FBXL13: variants seen among roughly 807,000 people sequenced by gnomAD.
FBXL13 encodes F-box and leucine rich repeat protein 13.
A neutral mutation model predicts 83.6 loss-of-function variants in FBXL13; 67 were observed. The observed-to-expected ratio is 0.80, with a 90% CI of 0.66 to 0.98. FBXL13 has a LOEUF of 0.98. Ranked by LOEUF, FBXL13 falls within the 50% of genes least tolerant of loss-of-function variation. The probability of loss-of-function intolerance (pLI) is 0.00; values close to 1 mark genes in which losing one functional copy is unlikely to be tolerated. For missense variants in FBXL13, 822 were observed against 866.5 expected (o/e 0.95, Z 0.64); for synonymous variants, 272 against 299.5 (o/e 0.91, Z 0.95).
chr7:102,934,703 T>C, intron 8 of FBXL13: 1 of 1,554,714 alleles, frequency 6.4e-7, no homozygotes, highest in Non-Finnish European at 8.7e-7. Flanking sequence ...CTTTTCTTAC[T>C]TTTTCATTTT....
At chr7:102,976,301 C>T (rs1408354291) in intron 6 of FBXL13, 6 of 664,782 alleles carry the variant, frequency 9.0e-6, no homozygotes, top group East Asian at 2.5e-5. Flanking sequence ...TCAGGACCCA[C>T]CCAGTCCTCC....
At chr7:102,898,977 C>T (rs1184676478) in intron 11 of FBXL13, among the ~76,000 whole-genome samples, 1 of 152,098 alleles carries the variant, frequency 6.6e-6, no homozygotes, top group East Asian at 1.9e-4. Flanking sequence ...AGTGCAGTGG[C>T]ACAATCTCGG....
At chr7:102,996,837 A>G (rs1374034057) in intron 6 of FBXL13, among the ~76,000 whole-genome samples, 1 of 152,228 alleles carries the variant, frequency 6.6e-6, no homozygotes, top group Admixed American at 6.5e-5. Flanking sequence ...CTAACAAGAT[A>G]GAAAGACTTC....
At position 102,998,673 on chromosome 7, in the gene FBXL13, A is replaced by C. The variant is rs1337047429; in HGVS notation, c.495+26390T>G. Among the ~76,000 whole-genome samples, 3 of 152,102 alleles carry C rather than the reference A, an allele frequency of 2.0e-5. No individual in the cohort carries two copies. The South Asian group carries it at 6.2e-4, about 32-fold the overall frequency. ...TTGGTGGAGTCTTTACGTTTTTCTA[A>C]ATATAATATTAGGTTGGGCGCAGTG... On this transcript the variant is annotated intron_variant, in intron 6 of 19. Transcript: ENST00000313221.
At chr7:103,041,571 T>C (rs2411064) in intron 2 of FBXL13, among the ~76,000 whole-genome samples, 148,191 of 152,298 alleles carry the variant, frequency 0.97, 72,249 homozygotes, top group East Asian at 1. Context: ...TGAAAATCCT[T>C]AATAAAATAC....
In FBXL13 at chr7:103,069,807, G is replaced by A. The variant is rs560327333; in HGVS notation, c.-105+4439C>T. 4.6e-5 allele frequency among the ~76,000 whole-genome samples: 7 copies of A among 152,284 alleles called. No homozygotes were observed. The East Asian group carries it at 1.2e-3, about 25-fold the overall frequency. Reference sequence around the variant, plus strand: ...AAATTACTAGGTATGGGCTGGGCGCGGTGGCCCACGCCTGTAATCCCAGCA... The same window carrying A: ...AAATTACTAGGTATGGGCTGGGCGCAGTGGCCCACGCCTGTAATCCCAGCA... On this transcript the variant is annotated intron_variant, in intron 1 of 19. Coordinates refer to ENST00000313221, the Ensembl canonical transcript of FBXL13.
intron 10 of FBXL13, 129 bp from the exon 12 acceptor site, chr7:102,913,344 T>A: frequency 9.2e-7 from 1 of 1,083,374 alleles, no homozygotes; most frequent in Non-Finnish European, 1.3e-6. Flanking sequence ...CATTTAACTT[T>A]ACTGTTAACT....
At chr7:102,935,561 C>T (rs1416896060) in intron 8 of FBXL13, among the ~76,000 whole-genome samples, 1 of 152,042 alleles carries the variant, frequency 6.6e-6, no homozygotes, top group African/African-American at 2.4e-5. Flanking sequence ...GTTTTGCAAC[C>T]GATGCAATCT....
At chr7:102,976,243 G>A (rs766102050) in intron 6 of FBXL13, 2 of 722,810 alleles carry the variant, frequency 2.8e-6, no homozygotes, top group South Asian at 1.4e-5. Context: ...AGGCCAGTAT[G>A]TTTTTAAAAT....
intron 14 of FBXL13, among the ~76,000 whole-genome samples, chr7:102,882,409 G>A (rs928934491): frequency 1.3e-5 from 2 of 152,132 alleles, no homozygotes; most frequent in Non-Finnish European, 2.9e-5. Context: ...AAGATTATAA[G>A]AATTCTACAT....
intron 2 of FBXL13, 119 bp downstream of exon 3, chr7:103,054,969 G>T: frequency 2.2e-6 from 1 of 465,012 alleles, no homozygotes; most frequent in Non-Finnish European, 3.6e-6. Flanking sequence ...CACTTTTCTC[G>T]GTGCCCCCAA....
At chr7:102,811,988 T>C (rs1196612797), downstream of FBXL13, among the ~76,000 whole-genome samples, 1 of 152,212 alleles carries the variant, frequency 6.6e-6, no homozygotes, top group Non-Finnish European at 1.5e-5. Context: ...TTTTAAAACT[T>C]TTCAAAATAA....
intron 2 of FBXL13, among the ~76,000 whole-genome samples, chr7:103,040,388 AC>A (rs1795538862): frequency 6.6e-6 from 1 of 152,122 alleles, no homozygotes; most frequent in African/African-American, 2.4e-5. Flanking sequence ...AGACTTTAAC[AC>A]CCCACTGTCA....
chr7:102,812,268 A>T (rs1797476301), downstream of FBXL13, among the ~76,000 whole-genome samples: 1 of 152,262 alleles, frequency 6.6e-6, no homozygotes, highest in South Asian at 2.1e-4. Context: ...TACGGATTAA[A>T]GCTTATTAAA....
At chr7:103,015,763 C>T (rs1228661934) in intron 6 of FBXL13, among the ~76,000 whole-genome samples, 1 of 142,612 alleles carries the variant, frequency 7.0e-6, no homozygotes, top group East Asian at 2.1e-4. Context: ...CACCACTGCA[C>T]TCCAGCCTGG....
At chr7:103,074,758 G>A, upstream of FBXL13, 1 of 1,289,758 alleles carries the variant, frequency 7.8e-7, no homozygotes, top group Non-Finnish European at 1.0e-6. Flanking sequence ...TTGGCATTGC[G>A]TAGCGAGGCC....
intron 10 of FBXL13, among the ~76,000 whole-genome samples, chr7:102,917,909 T>C (rs1422771123): frequency 6.6e-6 from 1 of 152,164 alleles, no homozygotes; most frequent in Non-Finnish European, 1.5e-5. Context: ...TTTCCTGGAA[T>C]GGGCATGAGC....
chr7:103,011,855 G>A (rs905036363), intron 6 of FBXL13, among the ~76,000 whole-genome samples: 1 of 152,086 alleles, frequency 6.6e-6, no homozygotes, highest in Non-Finnish European at 1.5e-5. Flanking sequence ...TATGTAAACA[G>A]ACCAAATCTA....
intron 6 of FBXL13, among the ~76,000 whole-genome samples, chr7:102,972,427 G>T (rs1308608208): frequency 6.6e-6 from 1 of 152,058 alleles, no homozygotes; most frequent in Non-Finnish European, 1.5e-5. Flanking sequence ...AAATAGAATG[G>T]TTATCTTCTA....
Sources: gnomAD v4.1 joint callset for allele counts (sites outside exome capture counted in the v4.1 genomes callset) on GRCh38, gnomAD v4.1.1 for gene constraint, MANE v1.5 for transcripts, NCBI Gene and HGNC (gene_info 2026-07-23, HGNC 2026-07-21) for gene names.